Variants in LRRC7 observed in about 807,000 individuals in gnomAD.
LRRC7 encodes the protein leucine-rich repeat-containing protein 7.
Under a neutral mutation model 175.7 loss-of-function variants are expected in LRRC7, and 23 were observed. The observed-to-expected ratio is 0.13, with a 90% CI of 0.09 to 0.19. The LOEUF (loss-of-function observed/expected upper bound fraction) is 0.19. LRRC7 is among the 10% of genes least tolerant of loss of function. The probability of loss-of-function intolerance (pLI) is 1.00; values close to 1 mark genes in which losing one functional copy is unlikely to be tolerated. For synonymous variants in LRRC7, 685 were observed against 680.9 expected (o/e 1.01, Z -0.09); for missense variants, 1,354 against 1,904.7 (o/e 0.71, Z 5.38).
intron 2 of LRRC7, among the ~76,000 whole-genome samples, chr1:69,685,549 G>T (rs1661034887): frequency 6.6e-6 from 1 of 151,892 alleles, no homozygotes; most frequent in Non-Finnish European, 1.5e-5. Context: ...GAACCAAATG[G>T]AAATTATGTA....
intron 3 of LRRC7, among the ~76,000 whole-genome samples, chr1:69,776,232 C>T (rs945368484): frequency 5.9e-5 from 9 of 152,070 alleles, no homozygotes; most frequent in East Asian, 1.9e-4. Context: ...TTCTTCTTCA[C>T]GTTATATATT....
intron 26 of LRRC7, among the ~76,000 whole-genome samples, chr1:70,111,109 A>G (rs937121845): frequency 1.3e-5 from 2 of 152,188 alleles, no homozygotes; most frequent in African/African-American, 4.8e-5. Flanking sequence ...TTGGGGTTTA[A>G]TCTAACCCAA....
Position 70,016,458 on chromosome 1 carries a change from T to G in LRRC7, c.1251-7T>G. On this transcript the variant is annotated splice_region_variant and splice_polypyrimidine_tract_variant and intron_variant, in intron 13 of 26. Coordinates refer to ENST00000651989, the MANE Select transcript of LRRC7 (RefSeq NM_001370785.2). ...CCCATGCTATTAGACTTTTTGTGTT[T>G]TTGCAGATTGAAGAATTTACCATTC... 6.3e-7 allele frequency: 1 copy of G among 1,575,752 alleles called. No homozygotes were observed. Among genetic ancestry groups the G allele is most frequent in the Non-Finnish European group, 8.6e-7 (1 of 1,163,172 alleles).
Position 69,662,289 on chromosome 1 carries a change from T to A in LRRC7, c.3-16092T>A, listed in dbSNP as rs555127129. ...ATCATTTAAAAATAAATATTTAATGTTTGCTGTGGTCAGTGTTGTTTACAA... is the reference window on the plus strand; with the variant it reads ...ATCATTTAAAAATAAATATTTAATGATTGCTGTGGTCAGTGTTGTTTACAA... On this transcript the variant is annotated intron_variant, in intron 1 of 26. Transcript: ENST00000651989. Among the ~76,000 whole-genome samples, 42 of 152,314 alleles carry A rather than the reference T, an allele frequency of 2.8e-4. 1 individual carries two copies. In the South Asian group the frequency reaches 8.5e-3, roughly 31 times the overall value.
At chr1:69,711,548 C>A (rs1039164877) in intron 2 of LRRC7, among the ~76,000 whole-genome samples, 4 of 152,192 alleles carry the variant, frequency 2.6e-5, no homozygotes, top group Admixed American at 6.5e-5. Context: ...GTGCCCACTG[C>A]ACCCTCTGGA....
chr1:70,049,742 G>C (rs1270973587), intron 22 of LRRC7, among the ~76,000 whole-genome samples: 3 of 151,918 alleles, frequency 2.0e-5, no homozygotes, highest in Non-Finnish European at 2.9e-5. Flanking sequence ...ATCCAGGCTT[G>C]GCATATTTTT....
intron 8 of LRRC7, among the ~76,000 whole-genome samples, chr1:69,942,076 A>C (rs568755286): frequency 1.2e-3 from 186 of 152,246 alleles, no homozygotes; most frequent in African/African-American, 4.3e-3. Flanking sequence ...ATGTCTCAAT[A>C]CATGCTCTGG....
At chr1:69,764,778 T>TAGATAGATAGATAGATAGACAGAC (rs1427408341) in intron 3 of LRRC7, among the ~76,000 whole-genome samples, 4 of 144,402 alleles carry the variant, frequency 2.8e-5, no homozygotes, top group African/African-American at 1.0e-4. Flanking sequence ...GATAGATAGA[T>TAGATAGATAGATAGATAGACAGAC]AGACAGACAG....
At chr1:69,750,265 G>A (rs1009040682) in intron 2 of LRRC7, among the ~76,000 whole-genome samples, 12 of 151,892 alleles carry the variant, frequency 7.9e-5, no homozygotes, top group South Asian at 2.1e-4. Context: ...CAGTAGCACA[G>A]CAAGGAAACT....
At chr1:69,904,479 C>T (rs755992547) in intron 7 of LRRC7, among the ~76,000 whole-genome samples, 1 of 151,884 alleles carries the variant, frequency 6.6e-6, no homozygotes, top group Admixed American at 6.6e-5. Flanking sequence ...AAATGGAAAC[C>T]TAGAATATTG....
chr1:69,682,283 G>C (rs2100618483), intron 2 of LRRC7, among the ~76,000 whole-genome samples: 1 of 152,062 alleles, frequency 6.6e-6, no homozygotes, highest in African/African-American at 2.4e-5. Flanking sequence ...TCAAAATGTG[G>C]GATCATAATT....
intron 7 of LRRC7, among the ~76,000 whole-genome samples, chr1:69,924,845 G>A (rs1318625388): frequency 1.3e-5 from 2 of 152,168 alleles, no homozygotes; most frequent in Non-Finnish European, 2.9e-5. Flanking sequence ...TGTTGAATAG[G>A]AGTGGTGAGA....
intron 7 of LRRC7, among the ~76,000 whole-genome samples, chr1:69,924,236 T>G (rs1250105690): frequency 7.2e-5 from 11 of 152,126 alleles, no homozygotes; most frequent in Non-Finnish European, 1.5e-4. Context: ...TCAGGTAGCA[T>G]GATGCCTCCA....
chr1:69,570,821 A>G (rs898870407), intron 1 of LRRC7, among the ~76,000 whole-genome samples: 1 of 152,140 alleles, frequency 6.6e-6, no homozygotes, highest in African/African-American at 2.4e-5. Context: ...ATATGGCTAA[A>G]GTATATTGGG....
intron 7 of LRRC7, among the ~76,000 whole-genome samples, chr1:69,921,981 G>A (rs890569379): frequency 7.2e-5 from 11 of 152,054 alleles, no homozygotes; most frequent in African/African-American, 2.2e-4. Flanking sequence ...GCTGGGGTGC[G>A]ATGGCACTAT....
intron 1 of LRRC7, among the ~76,000 whole-genome samples, chr1:69,628,595 C>T (rs1455687266): frequency 6.6e-6 from 1 of 152,128 alleles, no homozygotes; most frequent in Non-Finnish European, 1.5e-5. Context: ...AAAATATCAT[C>T]ACGTTCTTTT....
intron 3 of LRRC7, among the ~76,000 whole-genome samples, chr1:69,788,498 A>G (rs911964062): frequency 1.3e-5 from 2 of 152,184 alleles, no homozygotes; most frequent in Non-Finnish European, 2.9e-5. Flanking sequence ...CAATAAATAT[A>G]TTTTAGATGC....
At chr1:69,649,289 G>A (rs990767898) in intron 1 of LRRC7, among the ~76,000 whole-genome samples, 1 of 152,226 alleles carries the variant, frequency 6.6e-6, no homozygotes, top group Non-Finnish European at 1.5e-5. Flanking sequence ...CCTAGTTACA[G>A]TGAGTATTCT....
chr1:69,982,626 A>G (rs963181899), intron 9 of LRRC7, among the ~76,000 whole-genome samples: 2 of 152,260 alleles, frequency 1.3e-5, no homozygotes, highest in Non-Finnish European at 2.9e-5. Context: ...CAAATAGATA[A>G]TGATCAAATA....
Sources: gnomAD v4.1 joint callset for allele counts (sites outside exome capture counted in the v4.1 genomes callset) on GRCh38, gnomAD v4.1.1 for gene constraint, MANE v1.5 for transcripts, NCBI Gene and HGNC (gene_info 2026-07-23, HGNC 2026-07-21) for gene names.